Variants in RNF128 observed in about 807,000 individuals in gnomAD.
RNF128 encodes the protein ring finger protein 128, also known as E3 ubiquitin-protein ligase RNF128.
Under a neutral mutation model 26.2 loss-of-function variants are expected in RNF128, and 13 were observed. That is an observed-to-expected ratio of 0.50 (90% CI 0.32 to 0.79). The LOEUF is 0.79. Among genes scored for constraint, RNF128 ranks in the 30% least tolerant of loss-of-function variants. The pLI, the probability that RNF128 is intolerant of heterozygous loss-of-function variation, is 0.03. For missense variants in RNF128, 315 were observed against 349.7 expected (o/e 0.90, Z 0.79); for synonymous variants, 149 against 142.5 (o/e 1.05, Z -0.32).
chrX:106,746,348 A>G (rs1249342220), intron 1 of RNF128, among the ~76,000 whole-genome samples: 1 of 111,359 alleles, frequency 9.0e-6, no homozygotes, highest in Non-Finnish European at 1.9e-5. Flanking sequence ...AATATTTAAT[A>G]TATTGTAAAA....
intron 3 of RNF128, 117 bp from the exon 4 acceptor site, chrX:106,787,801 A>G (rs1390599764): frequency 2.2e-6 from 1 of 445,654 alleles, no homozygotes; most frequent in Non-Finnish European, 3.8e-6. Context: ...CAGTGATATA[A>G]TGCTCCTCCT....
intron 1 of RNF128, among the ~76,000 whole-genome samples, chrX:106,752,373 A>T (rs1456115520): frequency 4.5e-5 from 5 of 112,335 alleles, no homozygotes; most frequent in Non-Finnish European, 3.8e-5. Flanking sequence ...GTTTGAGAGA[A>T]AGTAAGGGAA....
chrX:106,785,848 T>C (rs1930647889), intron 3 of RNF128, among the ~76,000 whole-genome samples: 1 of 111,935 alleles, frequency 8.9e-6, no homozygotes, highest in Non-Finnish European at 1.9e-5. Flanking sequence ...ATAGAACTTA[T>C]GGAAATAATA....
upstream of RNF128, among the ~76,000 whole-genome samples, chrX:106,724,174 G>A (rs1033146482): frequency 9.0e-6 from 1 of 111,139 alleles, no homozygotes; most frequent in Admixed American, 9.5e-5. Context: ...AAACCTCAGA[G>A]TAATTTCTAA....
At chrX:106,729,065 A>G (rs1929457132) in intron 1 of RNF128, among the ~76,000 whole-genome samples, 1 of 112,056 alleles carries the variant, frequency 8.9e-6, no homozygotes, top group African/African-American at 3.2e-5. Context: ...TGCATGAATG[A>G]TTTGTAATTG....
At chrX:106,723,727 A>G (rs1466923715), upstream of RNF128, among the ~76,000 whole-genome samples, 2 of 110,827 alleles carry the variant, frequency 1.8e-5, no homozygotes, top group Non-Finnish European at 3.8e-5. Context: ...TGTTCTTTGG[A>G]GTTCTCATAT....
intron 1 of RNF128, among the ~76,000 whole-genome samples, chrX:106,768,725 C>T (rs1231640127): frequency 9.0e-6 from 1 of 111,576 alleles, no homozygotes; most frequent in Non-Finnish European, 1.9e-5. Flanking sequence ...TTCTCTTCTG[C>T]TCTGATCTTA....
intron 1 of RNF128, among the ~76,000 whole-genome samples, chrX:106,705,584 A>G (rs1227196421): frequency 8.9e-6 from 1 of 112,598 alleles, no homozygotes; most frequent in Non-Finnish European, 1.9e-5. Flanking sequence ...AGAGAAGTGT[A>G]CAATCAGTCA....
chrX:106,732,982 C>G (rs1212146566), intron 1 of RNF128, among the ~76,000 whole-genome samples: 1 of 110,958 alleles, frequency 9.0e-6, no homozygotes, highest in Non-Finnish European at 1.9e-5. Flanking sequence ...ATGGATTCAA[C>G]CAACTGAGGA....
intron 1 of RNF128, among the ~76,000 whole-genome samples, chrX:106,764,878 C>G (rs1170079485): frequency 9.0e-6 from 1 of 111,608 alleles, no homozygotes; most frequent in Non-Finnish European, 1.9e-5. Flanking sequence ...TGAGAGATGG[C>G]TCTTAGAGAA....
At chrX:106,781,653 C>T (rs1930566963) in intron 2 of RNF128, among the ~76,000 whole-genome samples, 1 of 111,515 alleles carries the variant, frequency 9.0e-6, no homozygotes, top group South Asian at 3.8e-4. Flanking sequence ...TGTCTTGCAT[C>T]CATATTTAAA....
chrX:106,710,446 T>C (rs1348385615), intron 1 of RNF128, among the ~76,000 whole-genome samples: 1 of 112,079 alleles, frequency 8.9e-6, no homozygotes, highest in African/African-American at 3.2e-5. Flanking sequence ...TAAAACCTTT[T>C]GGAGTTTCAG....
rs781489345 is a variant in RNF128, at chrX:106,726,899, C to T, written c.-15C>T. The T allele has an allele frequency of 1.6e-4, 185 of 1,159,301 alleles. No individual in the cohort carries two copies. The Middle Eastern group carries it at 4.9e-3, about 31-fold the overall frequency. On this transcript the variant is annotated 5_prime_UTR_variant, in exon 1 of 7. Transcript: ENST00000255499. Reference sequence around the variant, plus strand: ...GCGTGCCAGGGGCGCTAGGGAACTGCGGAGCGCGCGCGCCATGGGGCCGCC... The same window carrying T: ...GCGTGCCAGGGGCGCTAGGGAACTGTGGAGCGCGCGCGCCATGGGGCCGCC...
At chrX:106,740,275 T>C (rs887676765) in intron 1 of RNF128, among the ~76,000 whole-genome samples, 17 of 110,653 alleles carry the variant, frequency 1.5e-4, no homozygotes, top group African/African-American at 5.6e-4. Context: ...AGTCTGGCAC[T>C]TAAATGTCAA....
At chrX:106,770,407 C>G (rs1363727091) in intron 1 of RNF128, among the ~76,000 whole-genome samples, 4 of 111,841 alleles carry the variant, frequency 3.6e-5, no homozygotes, top group Admixed American at 1.9e-4. Context: ...TTGGTCTTTT[C>G]ACATGGTCCC....
intron 2 of RNF128, 78 bp downstream of exon 2, chrX:106,773,238 A>G: frequency 1.0e-6 from 1 of 979,426 alleles, no homozygotes; most frequent in Non-Finnish European, 1.4e-6. Context: ...GCATTTTAAT[A>G]CATTGTACTT....
intron 2 of RNF128, among the ~76,000 whole-genome samples, chrX:106,774,369 G>A (rs1449537748): frequency 9.0e-6 from 1 of 111,612 alleles, no homozygotes; most frequent in African/African-American, 3.3e-5. Context: ...TTTCACTCAG[G>A]TATAAGATTA....
chrX:106,781,879 C>G (rs959532539), intron 2 of RNF128, among the ~76,000 whole-genome samples: 5 of 111,227 alleles, frequency 4.5e-5, no homozygotes, highest in Admixed American at 9.6e-5. Flanking sequence ...TCTCCCCCAC[C>G]ATCATTTTCT....
At chrX:106,736,456 C>A (rs1422696235) in intron 1 of RNF128, among the ~76,000 whole-genome samples, 2 of 111,429 alleles carry the variant, frequency 1.8e-5, no homozygotes, top group African/African-American at 6.5e-5. Context: ...TACATACACA[C>A]CCCTCTTAGA....
Sources: gnomAD v4.1 joint callset for allele counts (sites outside exome capture counted in the v4.1 genomes callset) on GRCh38, gnomAD v4.1.1 for gene constraint, MANE v1.5 for transcripts, NCBI Gene and HGNC (gene_info 2026-07-23, HGNC 2026-07-21) for gene names.